The following WASHC2A variants were observed in gnomAD, a reference collection of about 807,000 sequenced individuals.
The protein encoded by WASHC2A is WASH complex subunit FAM21A.
Under a neutral mutation model 140.3 loss-of-function variants are expected in WASHC2A, and 82 were observed. The ratio of observed to expected loss-of-function variants is 0.58; its 90% CI spans 0.49 to 0.70. The LOEUF (loss-of-function observed/expected upper bound fraction) is 0.70, where lower values mean the gene tolerates loss of function less well. Ranked by LOEUF, WASHC2A falls within the 30% of genes least tolerant of loss-of-function variation. WASHC2A has a pLI of 0.00. For synonymous variants in WASHC2A, 340 were observed against 560.8 expected (o/e 0.61, Z 5.56); for missense variants, 985 against 1,521.8 (o/e 0.65, Z 5.87).
rs1480740234 is a variant in WASHC2A at position 50,069,649 on chromosome 10, T to G, written c.229T>G (p.Cys77Gly). ...AATTCGGGAAACCAAAGCCACAGATTGTCGCCTGCATAATGTCTTCAATGA... is the reference window on the plus strand; with the variant it reads ...AATTCGGGAAACCAAAGCCACAGATGGTCGCCTGCATAATGTCTTCAATGA... ...GLIRETKATD[C>G]RLHNVFNDFL... is the part of the protein sequence containing the mutation. Residue 77 changes from cysteine (C) to glycine (G), a missense_variant, in exon 3 of 31, where the codon TGT becomes GGT. Coordinates refer to ENST00000282633, the MANE Select transcript of WASHC2A (RefSeq NM_001005751.3). The G allele has an allele frequency of 1.5e-5, 25 of 1,613,886 alleles. No individual in the cohort carries two copies. Among genetic ancestry groups the G allele is most frequent in the Non-Finnish European group, 2.0e-5 (24 of 1,179,872 alleles).
intron 30 of WASHC2A, 172 bp downstream of exon 30, chr10:50,131,250 T>C (rs1238970274): frequency 1.4e-6 from 1 of 719,154 alleles, no homozygotes; most frequent in Non-Finnish European, 2.6e-6. Context: ...ATTATTTTAG[T>C]GAAGTAACTC....
intron 23 of WASHC2A, among the ~76,000 whole-genome samples, chr10:50,123,945 C>T (rs1362961890): frequency 2.0e-5 from 3 of 151,922 alleles, no homozygotes; most frequent in Admixed American, 6.6e-5. Flanking sequence ...CAGTCTCTTA[C>T]TGTGTATGGT....
rs1331404542 is a variant in WASHC2A, at chr10:50,085,898, TC to T, written c.684+341del. Among the ~76,000 whole-genome samples, 17 of 152,232 alleles carry T rather than the reference TC, an allele frequency of 1.1e-4. 1 individual carries two copies. Among genetic ancestry groups the T allele is most frequent in the African/African-American group, 4.1e-4 (17 of 41,546 alleles). ...GGATATAGTCTTTGAGTATATTCTGTCTTTGAATAATTCTAAGGGAAAAAAT... is the reference window on the plus strand; with the variant it reads ...GGATATAGTCTTTGAGTATATTCTGTTTTGAATAATTCTAAGGGAAAAAAT... On this transcript the variant is annotated intron_variant, in intron 7 of 30. Coordinates refer to ENST00000282633, the MANE Select transcript of WASHC2A (RefSeq NM_001005751.3).
chr10:50,109,164 G>T (rs1842047388), intron 19 of WASHC2A, among the ~76,000 whole-genome samples: 1 of 152,192 alleles, frequency 6.6e-6, no homozygotes, highest in Non-Finnish European at 1.5e-5. Flanking sequence ...CTGCTGGCTT[G>T]TGGACTCCAG....
intron 30 of WASHC2A, 86 bp from the exon 31 acceptor site, chr10:50,132,720 G>C (rs961309676): frequency 1.2e-6 from 2 of 1,611,250 alleles, no homozygotes; most frequent in African/African-American, 2.7e-5. Flanking sequence ...ACCAGAGCTG[G>C]GTCTTTGGTG....
intron 28 of WASHC2A, among the ~76,000 whole-genome samples, chr10:50,128,208 T>C (rs1228067236): frequency 6.6e-6 from 1 of 151,774 alleles, no homozygotes; most frequent in African/African-American, 2.4e-5. Flanking sequence ...AGCCCATGTG[T>C]GCAGCTTCCT....
intron 21 of WASHC2A, among the ~76,000 whole-genome samples, chr10:50,115,841 C>T (rs1232318662): frequency 2.6e-5 from 4 of 151,448 alleles, no homozygotes; most frequent in Non-Finnish European, 5.9e-5. Context: ...TTTGACCAGG[C>T]GTGGTGGCTC....
chr10:50,078,358 A>C (rs1274840068), intron 3 of WASHC2A, among the ~76,000 whole-genome samples: 1 of 152,186 alleles, frequency 6.6e-6, no homozygotes, highest in African/African-American at 2.4e-5. Context: ...CAACATTATT[A>C]GGTTAAATGA....
At chr10:50,112,164 C>G in intron 20 of WASHC2A, 1 of 983,424 alleles carries the variant, frequency 1.0e-6, no homozygotes, top group Non-Finnish European at 1.2e-6. Context: ...TTAGCTTATT[C>G]CCATGAGTGT....
intron 8 of WASHC2A, among the ~76,000 whole-genome samples, chr10:50,088,332 C>T (rs1331180798): frequency 4.1e-5 from 6 of 145,050 alleles, no homozygotes; most frequent in African/African-American, 1.5e-4. Context: ...GTGGTGTGAT[C>T]TCAGCTCAAT....
intron 8 of WASHC2A, among the ~76,000 whole-genome samples, chr10:50,088,512 G>A (rs61843872): frequency 0.32 from 48,123 of 151,618 alleles, 8,455 homozygotes; most frequent in East Asian, 0.66. Context: ...CGCCCACTTC[G>A]CCCTCCCAGA....
rs1843564432 is a variant in WASHC2A, at chr10:50,127,784, A to G, written c.3076A>G (p.Ser1026Gly). ...TCCAGCTCAGGCAGACACCTTACAC[A>G]GTGCAAACAAGGTGATGAAACCATC... is the stretch of plus-strand genomic sequence containing the variant. ...DLPAQADTLH[S>G]ANKSRVKMRG... Residue 1026 changes from serine (S) to glycine (G), a missense_variant, in exon 28 of 31, where the codon AGT becomes GGT. By Grantham distance (56) the Ser-to-Gly change is moderately conservative. Transcript: ENST00000282633. 4 of 1,488,586 alleles carry G rather than the reference A, an allele frequency of 2.7e-6. No individual in the cohort carries two copies. In the East Asian group the frequency reaches 7.2e-5, roughly 27 times the overall value. 92.2% of individuals were successfully genotyped at this position (1,488,586 alleles called of 1,614,324 possible). A position where few individuals can be genotyped will look rare whatever the true frequency, so the allele number is the denominator to read the frequency against.
At chr10:50,110,294 C>T in intron 20 of WASHC2A, 24 bp downstream of exon 20, 5 of 1,607,400 alleles carry the variant, frequency 3.1e-6, no homozygotes, top group Non-Finnish European at 4.3e-6. Flanking sequence ...TGGAAGGAGT[C>T]CCTCACTCCG....
At chr10:50,097,341 T>A (rs1330889739) in intron 15 of WASHC2A, among the ~76,000 whole-genome samples, 2 of 151,778 alleles carry the variant, frequency 1.3e-5, no homozygotes, top group Non-Finnish European at 2.9e-5. Flanking sequence ...GATGATTGAC[T>A]TGGTGGCCCT....
At chr10:50,099,586 G>A in intron 16 of WASHC2A, among the ~76,000 whole-genome samples, 1 of 148,672 alleles carries the variant, frequency 6.7e-6, no homozygotes, top group South Asian at 2.2e-4. Flanking sequence ...TGTACAGCTG[G>A]TCCCTCCTCT....
At position 50,120,011 on chromosome 10, in the gene WASHC2A, G is replaced by T. The variant is rs1276924292; in HGVS notation, c.2478+242G>T. Among the ~76,000 whole-genome samples the T allele has an allele frequency of 1.5e-5, 2 of 137,184 alleles. 1 individual carries two copies. The highest frequency in any genetic ancestry group is 5.8e-5 in the African/African-American group (2 of 34,242). The allele number at this position is 137,184 out of a possible 152,430, so 90.0% of individuals were successfully genotyped here. A position where few individuals can be genotyped will look rare whatever the true frequency, so the allele number is the denominator to read the frequency against. ...TCTTCTGGGATTTACAGACCTTGTT[G>T]TTCCTTCTAGCAAAACTTTGCCCCT... On this transcript the variant is annotated intron_variant, in intron 23 of 30. Transcript: ENST00000282633.
intron 2 of WASHC2A, 147 bp from the exon 3 acceptor site, chr10:50,069,400 C>G: frequency 8.0e-7 from 1 of 1,251,462 alleles, no homozygotes; most frequent in Non-Finnish European, 1.1e-6. Context: ...GCCCAGGCAA[C>G]AGAGTGAAAC....
intron 20 of WASHC2A, among the ~76,000 whole-genome samples, chr10:50,110,684 A>C (rs1289219508): frequency 6.6e-6 from 1 of 152,024 alleles, no homozygotes; most frequent in Non-Finnish European, 1.5e-5. Flanking sequence ...CGATGTCAGG[A>C]GTTCAAGACC....
At chr10:50,074,824 G>A (rs1214731162) in intron 3 of WASHC2A, among the ~76,000 whole-genome samples, 1 of 152,154 alleles carries the variant, frequency 6.6e-6, no homozygotes, top group African/African-American at 2.4e-5. Flanking sequence ...CTTGAGGCAG[G>A]AGAAGGGCGT....
Sources: allele counts gnomAD v4.1 joint callset (sites outside exome capture counted in the v4.1 genomes callset), GRCh38; gene constraint gnomAD v4.1.1; transcripts MANE v1.5; gene names NCBI Gene and HGNC (gene_info 2026-07-23, HGNC 2026-07-21).